BMPER: variants seen among roughly 807,000 people sequenced by gnomAD.
The protein encoded by BMPER is BMP-binding endothelial regulator protein.
A neutral mutation model predicts 87.3 loss-of-function variants in BMPER; 45 were observed. The ratio of observed to expected loss-of-function variants is 0.52; its 90% confidence interval spans 0.41 to 0.66. The LOEUF is 0.66. BMPER is among the 30% of genes least tolerant of loss of function. The pLI is 0.00. For missense variants in BMPER, 784 were observed against 867.5 expected (o/e 0.90, Z 1.21); for synonymous variants, 326 against 316.2 (o/e 1.03, Z -0.33).
At chr7:34,071,627 G>A (rs1054147028) in intron 11 of BMPER, among the ~76,000 whole-genome samples, 16 of 149,214 alleles carry the variant, frequency 1.1e-4, no homozygotes, top group Non-Finnish European at 2.4e-4. Context: ...ATGTTTTAAG[G>A]TCGGTTCTTG....
At chr7:33,940,536 T>C (rs1484702374) in intron 3 of BMPER, among the ~76,000 whole-genome samples, 1 of 152,182 alleles carries the variant, frequency 6.6e-6, no homozygotes, top group African/African-American at 2.4e-5. Flanking sequence ...GGAATCCCAG[T>C]AAACCTCTCT....
chr7:34,097,075 G>C (rs1789549534), intron 13 of BMPER, among the ~76,000 whole-genome samples: 1 of 152,214 alleles, frequency 6.6e-6, no homozygotes, highest in Non-Finnish European at 1.5e-5. Flanking sequence ...TCTGATAGAG[G>C]ATATGCTGGA....
Position 34,085,971 on chromosome 7 carries a change from G to T in BMPER, c.1624G>T (p.Val542Leu), listed in dbSNP as rs778268786. The part of the protein sequence containing the change: ...EFCNRPQRKP[V>L]PELCQGTVKV... Reference sequence around the variant, plus strand: ...CTGCAACAGACCTCAGAGAAAGCCAGTGCCTGAACTGTGTCAAGGGACAGT... The same window carrying T: ...CTGCAACAGACCTCAGAGAAAGCCATTGCCTGAACTGTGTCAAGGGACAGT... Residue 542 changes from valine (V) to leucine (L), a missense_variant, in exon 13 of 15, where the codon GTG becomes TTG. By Grantham distance (32) the Val-to-Leu change is conservative. Transcript: ENST00000649409. 1.2e-6 allele frequency: 2 copies of T among 1,614,168 alleles called. No individual in the cohort carries two copies. Among genetic ancestry groups the T allele is most frequent in the Non-Finnish European group, 1.7e-6 (2 of 1,180,034 alleles).
At chr7:34,007,484 T>C (rs1365358870) in intron 6 of BMPER, among the ~76,000 whole-genome samples, 1 of 152,024 alleles carries the variant, frequency 6.6e-6, no homozygotes, top group Non-Finnish European at 1.5e-5. Context: ...CTCCCACAGA[T>C]GGTCCATGCA....
At chr7:34,003,866 G>A (rs1210583172) in intron 6 of BMPER, among the ~76,000 whole-genome samples, 2 of 152,134 alleles carry the variant, frequency 1.3e-5, no homozygotes, top group East Asian at 3.9e-4. Flanking sequence ...ATTTCACTAT[G>A]ATGTGTCCAC....
rs186769870 is a variant in BMPER, at chr7:34,152,283, A to G, written c.1877-809A>G. Among the ~76,000 whole-genome samples the G allele has an allele frequency of 1.2e-3, 182 of 152,242 alleles. 1 individual carries two copies. Among genetic ancestry groups the G allele is most frequent in the African/African-American group, 4.3e-3 (177 of 41,534 alleles). On this transcript the variant is annotated intron_variant, in intron 14 of 14. Coordinates refer to ENST00000649409, the MANE Select transcript of BMPER (RefSeq NM_001365308.1). ...AATTCCTACTTGTGTCAACATTCCT[A>G]TTCTTGAGGAATGAGGGGCGGCCCC...
intron 2 of BMPER, among the ~76,000 whole-genome samples, chr7:33,921,328 AGCGC>A (rs1784224578): frequency 6.6e-6 from 1 of 152,244 alleles, no homozygotes; most frequent in East Asian, 1.9e-4. Flanking sequence ...CCTGTGAGGT[AGCGC>A]TGGCATTCTT....
At chr7:34,110,089 T>C (rs1331457896) in intron 13 of BMPER, among the ~76,000 whole-genome samples, 1 of 152,202 alleles carries the variant, frequency 6.6e-6, no homozygotes, top group African/African-American at 2.4e-5. Flanking sequence ...GACCTGAATT[T>C]GAACTGTGTG....
intron 13 of BMPER, among the ~76,000 whole-genome samples, chr7:34,108,891 T>G (rs1355416954): frequency 2.6e-5 from 4 of 152,196 alleles, no homozygotes; most frequent in Non-Finnish European, 4.4e-5. Flanking sequence ...GCTTTATTCT[T>G]AGTCTAAGCC....
chr7:33,994,805 T>G (rs1786356834), intron 6 of BMPER, among the ~76,000 whole-genome samples: 1 of 152,154 alleles, frequency 6.6e-6, no homozygotes. Flanking sequence ...TGGCTAGTTA[T>G]GTCACCTGGA....
chr7:34,048,552 G>C (rs572614264), intron 7 of BMPER, among the ~76,000 whole-genome samples: 1 of 152,258 alleles, frequency 6.6e-6, no homozygotes, highest in South Asian at 2.1e-4. Context: ...GGAAGCAGTG[G>C]CCACTTAAGC....
At chr7:34,105,222 G>A (rs770673438) in intron 13 of BMPER, among the ~76,000 whole-genome samples, 1 of 152,132 alleles carries the variant, frequency 6.6e-6, no homozygotes, top group Non-Finnish European at 1.5e-5. Context: ...GAAGCATGAC[G>A]TGCACAATGG....
intron 6 of BMPER, among the ~76,000 whole-genome samples, chr7:34,037,695 T>C (rs954502790): frequency 6.6e-6 from 1 of 152,220 alleles, no homozygotes; most frequent in Non-Finnish European, 1.5e-5. Context: ...AAGACAGTTT[T>C]CTTACTTCAT....
At chr7:33,982,657 G>T (rs1300178380) in intron 6 of BMPER, among the ~76,000 whole-genome samples, 1 of 152,186 alleles carries the variant, frequency 6.6e-6, no homozygotes, top group Non-Finnish European at 1.5e-5. Context: ...AATCCGAATA[G>T]TTGTGGTTTA....
chr7:33,966,341 GA>G, intron 3 of BMPER, 137 bp from the exon 4 acceptor site: 7 of 734,272 alleles, frequency 9.5e-6, no homozygotes, highest in Non-Finnish European at 1.2e-5. Flanking sequence ...GTGTTTTGGG[GA>G]AAAATAGCCA....
At chr7:33,952,544 G>A (rs1226167465) in intron 3 of BMPER, among the ~76,000 whole-genome samples, 2 of 152,162 alleles carry the variant, frequency 1.3e-5, no homozygotes, top group Non-Finnish European at 2.9e-5. Context: ...TGACACCGAA[G>A]CCCCTGCAGT....
At chr7:34,148,305 C>T (rs1159072675) in intron 14 of BMPER, among the ~76,000 whole-genome samples, 5 of 152,176 alleles carry the variant, frequency 3.3e-5, no homozygotes, top group African/African-American at 1.2e-4. Context: ...TCCTTGATCT[C>T]TACTCAACTC....
At chr7:33,966,920 A>G (rs1785420802) in intron 4 of BMPER, among the ~76,000 whole-genome samples, 1 of 152,246 alleles carries the variant, frequency 6.6e-6, no homozygotes, top group Admixed American at 6.5e-5. Context: ...GTATTGTTAA[A>G]GGATGTATGT....
intron 3 of BMPER, 125 bp downstream of exon 3, chr7:33,937,513 G>T (rs900862916): frequency 8.2e-6 from 6 of 733,598 alleles, no homozygotes; most frequent in Admixed American, 4.2e-5. Flanking sequence ...GGAGAAGTAG[G>T]GTGTGTGTGT....
Sources: gnomAD v4.1 joint callset for allele counts (sites outside exome capture counted in the v4.1 genomes callset) on GRCh38, gnomAD v4.1.1 for gene constraint, MANE v1.5 for transcripts, NCBI Gene and HGNC (gene_info 2026-07-23, HGNC 2026-07-21) for gene names.